The following TMTC1 variants were observed in gnomAD, a reference collection of about 807,000 sequenced individuals.
TMTC1 encodes protein O-mannosyl-transferase TMTC1.
Under a neutral mutation model 104.8 loss-of-function variants are expected in TMTC1, and 73 were observed. The ratio of observed to expected loss-of-function variants is 0.70; its 90% CI spans 0.58 to 0.85. TMTC1 has a LOEUF of 0.85. Among genes scored for constraint, TMTC1 ranks in the 40% least tolerant of loss-of-function variants. The pLI, the probability that TMTC1 is intolerant of heterozygous loss-of-function variation, is 0.00. For missense variants in TMTC1, 1,035 were observed against 1,096.1 expected (o/e 0.94, Z 0.79); for synonymous variants, 434 against 428.7 (o/e 1.01, Z -0.15).
intron 5 of TMTC1, among the ~76,000 whole-genome samples, chr12:29,750,798 A>G (rs1943071294): frequency 1.3e-5 from 2 of 152,224 alleles, no homozygotes; most frequent in South Asian, 4.1e-4. Context: ...CTCAGTGTAA[A>G]TGGTAAAATG....
Position 29,751,804 on chromosome 12 carries a change from C to G in TMTC1, c.800G>C (p.Gly267Ala). Residue 267 changes from glycine to alanine, a missense_variant, in exon 5 of 18, where the codon GGC (glycine) becomes GCC (alanine). Transcript: ENST00000539277. ...CTTCCCATTCTCCCGGTGAGGATGG[C>G]CTGGCAGTGAGGAGGGCTGGGGGCT... Reference protein sequence around the residue: ...PGSPQPSSLPGHPHRENGKQQ... With the variant: ...PGSPQPSSLPAHPHRENGKQQ... 1 of 1,611,796 alleles carries G rather than the reference C, an allele frequency of 6.2e-7. No homozygotes were observed. The highest frequency in any genetic ancestry group is 8.5e-7 in the Non-Finnish European group (1 of 1,178,948).
rs906862329 is a variant in TMTC1 at position 29,502,690 on chromosome 12, C to A, written c.*4156G>T. ...CATCATTGTTAAGACTTCTTTGGCT[C>A]ATTTTAGTATAGACTTAAAAGTAAA... On this transcript the variant is annotated 3_prime_UTR_variant, in exon 18 of 18. Transcript: ENST00000539277. 1 of 152,170 alleles carries A rather than the reference C, an allele frequency of 6.6e-6. No individual in the cohort carries two copies. Among genetic ancestry groups the A allele is most frequent in the Admixed American group, 6.5e-5 (1 of 15,282 alleles). 9.4% of individuals were successfully genotyped at this position (152,170 alleles called of 1,614,324 possible). A position where few individuals can be genotyped will look rare whatever the true frequency, so the allele number is the denominator to read the frequency against.
At chr12:29,720,964 A>G (rs1375981670) in intron 5 of TMTC1, among the ~76,000 whole-genome samples, 2 of 152,222 alleles carry the variant, frequency 1.3e-5, no homozygotes, top group Non-Finnish European at 2.9e-5. Context: ...TACTGAAGCC[A>G]AGAATGGAAG....
At chr12:29,710,994 C>T (rs1467358394) in intron 5 of TMTC1, among the ~76,000 whole-genome samples, 29 of 136,688 alleles carry the variant, frequency 2.1e-4, no homozygotes, top group East Asian at 8.2e-4. Flanking sequence ...TATATTTTTT[C>T]CCCCTCAGAG....
intron 3 of TMTC1, among the ~76,000 whole-genome samples, chr12:29,756,634 G>A (rs370323655): frequency 3.2e-4 from 49 of 151,774 alleles, no homozygotes; most frequent in African/African-American, 1.1e-3. Flanking sequence ...AAATCTCTCC[G>A]GTGCTGTTAA....
At chr12:29,682,535 T>C (rs1013174601) in intron 5 of TMTC1, among the ~76,000 whole-genome samples, 2 of 152,172 alleles carry the variant, frequency 1.3e-5, no homozygotes, top group South Asian at 2.1e-4. Context: ...AAACAAACTA[T>C]AGTACATCTG....
chr12:29,598,968 C>T (rs1486869934), intron 7 of TMTC1, among the ~76,000 whole-genome samples: 1 of 152,194 alleles, frequency 6.6e-6, no homozygotes, highest in Non-Finnish European at 1.5e-5. Context: ...ATTGTTTCTG[C>T]CCTCACTTAT....
At chr12:29,764,708 A>C (rs439639) in intron 2 of TMTC1, among the ~76,000 whole-genome samples, 37,241 of 152,068 alleles carry the variant, frequency 0.24, 5,730 homozygotes, top group Non-Finnish European at 0.35. Flanking sequence ...GAACCTTATG[A>C]ATGTAAGCAT....
At chr12:29,732,053 T>C (rs1942557705) in intron 5 of TMTC1, among the ~76,000 whole-genome samples, 1 of 152,210 alleles carries the variant, frequency 6.6e-6, no homozygotes, top group Admixed American at 6.5e-5. Flanking sequence ...AAATACACAG[T>C]ATTAAGCATT....
chr12:29,510,478 C>A (rs1387732587), intron 17 of TMTC1, among the ~76,000 whole-genome samples: 1 of 152,142 alleles, frequency 6.6e-6, no homozygotes, highest in Non-Finnish European at 1.5e-5. Context: ...TGTTTCCCAG[C>A]TAGATACTAC....
intron 6 of TMTC1, among the ~76,000 whole-genome samples, chr12:29,608,173 G>A (rs1946751752): frequency 6.6e-6 from 1 of 152,176 alleles, no homozygotes; most frequent in Non-Finnish European, 1.5e-5. Context: ...GACTTGTAAA[G>A]TTGGGAAAAA....
intron 12 of TMTC1, among the ~76,000 whole-genome samples, chr12:29,519,976 G>T (rs1944102139): frequency 6.6e-6 from 1 of 152,168 alleles, no homozygotes; most frequent in South Asian, 2.1e-4. Context: ...TAATCAACAA[G>T]AACAAAGTGG....
intron 11 of TMTC1, among the ~76,000 whole-genome samples, chr12:29,521,738 T>C (rs1438343820): frequency 2.6e-5 from 4 of 152,006 alleles, no homozygotes; most frequent in Admixed American, 6.6e-5. Context: ...CAGCTAATTT[T>C]TGTATTTTTA....
At chr12:29,656,577 A>G (rs1413418224) in intron 5 of TMTC1, among the ~76,000 whole-genome samples, 1 of 151,994 alleles carries the variant, frequency 6.6e-6, no homozygotes, top group Admixed American at 6.6e-5. Flanking sequence ...CTGATATTTT[A>G]TATTTGAAAC....
At chr12:29,559,546 T>C (rs1489366938) in intron 9 of TMTC1, among the ~76,000 whole-genome samples, 1 of 152,224 alleles carries the variant, frequency 6.6e-6, no homozygotes, top group Non-Finnish European at 1.5e-5. Context: ...AGAAGCGCTA[T>C]AAGAGAAAAG....
intron 5 of TMTC1, among the ~76,000 whole-genome samples, chr12:29,699,709 G>A (rs970331517): frequency 4.7e-5 from 6 of 127,538 alleles, no homozygotes; most frequent in African/African-American, 1.8e-4. Flanking sequence ...CTGGAGTGCT[G>A]TGGCGCTACC....
chr12:29,673,744 C>CTTGTTTT (rs1940607963), intron 5 of TMTC1, among the ~76,000 whole-genome samples: 1 of 95,734 alleles, frequency 1.0e-5, no homozygotes, highest in African/African-American at 4.0e-5. Flanking sequence ...AGAGGGACTT[C>CTTGTTTT]TTTTTTTTTT....
chr12:29,539,409 C>G (rs1196516309), intron 10 of TMTC1, among the ~76,000 whole-genome samples: 1 of 152,138 alleles, frequency 6.6e-6, no homozygotes, highest in Admixed American at 6.5e-5. Context: ...GATTTTAGTT[C>G]CCTCATTCTT....
chr12:29,643,619 A>G (rs371891214), intron 5 of TMTC1, among the ~76,000 whole-genome samples: 1,716 of 33,748 alleles, frequency 0.051, 111 homozygotes, highest in South Asian at 0.1. Flanking sequence ...TATAATATAT[A>G]TCTATATATT....
Sources: gnomAD v4.1 joint callset for allele counts (sites outside exome capture counted in the v4.1 genomes callset) on GRCh38, gnomAD v4.1.1 for gene constraint, MANE v1.5 for transcripts, NCBI Gene and HGNC (gene_info 2026-07-23, HGNC 2026-07-21) for gene names.